ADGRD1: variants seen among roughly 807,000 people sequenced by gnomAD.
The protein encoded by ADGRD1 is adhesion G protein-coupled receptor D1.
A neutral mutation model predicts 113.4 loss-of-function variants in ADGRD1; 77 were observed. That is an observed-to-expected ratio of 0.68 (90% CI 0.57 to 0.82). The LOEUF is 0.82. Ranked by LOEUF, ADGRD1 falls within the 40% of genes least tolerant of loss-of-function variation. The pLI, the probability that ADGRD1 is intolerant of heterozygous loss-of-function variation, is 0.00. For synonymous variants in ADGRD1, 474 were observed against 475.0 expected, an observed-to-expected ratio of 1.00 and a Z score of 0.03; for missense variants, 1,036 against 1,139.1, an observed-to-expected ratio of 0.91 and a Z score of 1.30.
At chr12:131,024,708 AG>A (rs1879747841) in intron 13 of ADGRD1, 1 of 152,276 alleles carries the variant, frequency 6.6e-6, no homozygotes, top group African/African-American at 2.4e-5. Flanking sequence ...TGATGTTCAC[AG>A]CACGATGAAA....
chr12:131,054,975 C>T lies in ADGRD1; in HGVS notation c.1474-21826C>T, dbSNP rs572440411. ...GGGCGGTGAGTCCGGTCTTGTTACA[C>T]TGTCTTGGGCACAAGTCTCGACTGA... On this transcript the variant is annotated intron_variant, in intron 13 of 24. Coordinates refer to ENST00000261654, the MANE Select transcript of ADGRD1 (RefSeq NM_198827.5). Among the ~76,000 whole-genome samples the T allele has an allele frequency of 7.2e-5, 11 of 152,342 alleles. No homozygotes were observed. In the South Asian group the frequency reaches 2.1e-3, roughly 29 times the overall value.
intron 12 of ADGRD1, among the ~76,000 whole-genome samples, chr12:131,013,466 T>A (rs1200158965): frequency 6.6e-6 from 1 of 152,084 alleles, no homozygotes; most frequent in Non-Finnish European, 1.5e-5. Flanking sequence ...CTTTGAGCCC[T>A]CATTCTCCCC....
At chr12:131,055,026 G>C (rs7312364) in intron 13 of ADGRD1, among the ~76,000 whole-genome samples, 79,696 of 152,072 alleles carry the variant, frequency 0.52, 24,583 homozygotes, top group East Asian at 0.88. Flanking sequence ...TTTCTATCCT[G>C]TTTCTGGTGC....
rs1870942029 is a variant in ADGRD1, at chr12:130,965,825, G to A, written c.104-638G>A. 6.6e-6 allele frequency among the ~76,000 whole-genome samples: 1 copy of A among 152,220 alleles called. No individual in the cohort carries two copies. Among genetic ancestry groups the A allele is most frequent in the Non-Finnish European group, 1.5e-5 (1 of 68,040 alleles). On this transcript the variant is annotated intron_variant, in intron 2 of 24. Coordinates refer to ENST00000261654, the MANE Select transcript of ADGRD1 (RefSeq NM_198827.5). This position sits in a 1 kb window ranked among gnomAD's most constrained non-coding sequence, Gnocchi z 4.8. The stretch of plus-strand genomic sequence containing the variant: ...CAAACTGAGTAATGCTTAGTGTGGA[G>A]GAAGCATAGAGGGAAAATAGAATGA...
Position 131,005,972 on chromosome 12 carries a change from C to T in ADGRD1, c.1256C>T (p.Ala419Val), listed in dbSNP as rs370959644. Residue 419 changes from alanine (A) to valine (V), a missense_variant and splice_region_variant, in exon 12 of 25, where the codon GCC (alanine) becomes GTC (valine). By Grantham distance (64) the Ala-to-Val change is moderately conservative. Transcript: ENST00000261654. ...GCCTGCCCCTCTGCTCTCTCTGCAGCCTGGAGCACCGTCGTGGGTCTGCTG... is the reference window on the plus strand; with the variant it reads ...GCCTGCCCCTCTGCTCTCTCTGCAGTCTGGAGCACCGTCGTGGGTCTGCTG... Reference protein sequence around the residue: ...QIPHEAFHRHAWSTVVGLLYH... With the variant: ...QIPHEAFHRHVWSTVVGLLYH... 189 of 1,610,590 alleles carry T rather than the reference C, an allele frequency of 1.2e-4. No homozygotes were observed. The Middle Eastern group carries it at 1.3e-3, about 11-fold the overall frequency.
At chr12:131,089,163 G>C (rs1886722998) in intron 15 of ADGRD1, among the ~76,000 whole-genome samples, 1 of 152,234 alleles carries the variant, frequency 6.6e-6, no homozygotes, top group South Asian at 2.1e-4. Flanking sequence ...GTTGGCATGT[G>C]AAGAACTTCC....
chr12:131,097,608 G>T (rs10744492), intron 15 of ADGRD1, among the ~76,000 whole-genome samples: 123,956 of 152,148 alleles, frequency 0.81, 53,226 homozygotes, highest in East Asian at 1. Context: ...TCACAGATCC[G>T]CCAGGGCCTG....
At chr12:131,020,257 G>A (rs1174177350) in intron 13 of ADGRD1, among the ~76,000 whole-genome samples, 1 of 102,638 alleles carries the variant, frequency 9.7e-6, no homozygotes, top group East Asian at 3.3e-4. Context: ...GGGGGTGCTT[G>A]AGGGAGATAT....
chr12:130,985,384 A>C (rs981415086), intron 5 of ADGRD1, among the ~76,000 whole-genome samples: 1 of 152,076 alleles, frequency 6.6e-6, no homozygotes, highest in African/African-American at 2.4e-5. Context: ...CTTGTCAATT[A>C]TTTCTTTCAT....
chr12:130,995,432 T>C (rs1489332278), intron 8 of ADGRD1, among the ~76,000 whole-genome samples: 1 of 152,256 alleles, frequency 6.6e-6, no homozygotes, highest in East Asian at 1.9e-4. Context: ...TTTACTTTCC[T>C]TGCTGCTTTT....
chr12:131,135,941 C>T, intron 21 of ADGRD1, 96 bp from the exon 22 acceptor site: 1 of 1,380,398 alleles, frequency 7.2e-7, no homozygotes, highest in Non-Finnish European at 1.0e-6. Flanking sequence ...AGGGCGGTGC[C>T]TGCACCCATC....
At chr12:131,054,686 C>T (rs1227982920) in intron 13 of ADGRD1, among the ~76,000 whole-genome samples, 1 of 152,212 alleles carries the variant, frequency 6.6e-6, no homozygotes, top group Non-Finnish European at 1.5e-5. Context: ...TCGAGGGGCC[C>T]TCCACTCCAT....
At chr12:131,123,805 A>G (rs1452905501) in intron 20 of ADGRD1, among the ~76,000 whole-genome samples, 4 of 151,554 alleles carry the variant, frequency 2.6e-5, no homozygotes, top group Admixed American at 6.6e-5. Context: ...CAGCCTGGGC[A>G]ACAGAGTGAG....
At chr12:131,112,507 G>A (rs1232012349) in intron 18 of ADGRD1, among the ~76,000 whole-genome samples, 1 of 152,188 alleles carries the variant, frequency 6.6e-6, no homozygotes, top group Non-Finnish European at 1.5e-5. Flanking sequence ...TAAACCAGCC[G>A]GAATATGGTT....
chr12:131,065,538 T>C (rs2137107401), intron 13 of ADGRD1, among the ~76,000 whole-genome samples: 1 of 152,250 alleles, frequency 6.6e-6, no homozygotes, highest in East Asian at 1.9e-4. Flanking sequence ...TCACTGTCTG[T>C]GTTTCCTGAT....
intron 13 of ADGRD1, among the ~76,000 whole-genome samples, chr12:131,047,239 A>G (rs1472256564): frequency 2.0e-5 from 3 of 152,222 alleles, no homozygotes; most frequent in Non-Finnish European, 4.4e-5. Context: ...AGTCCTGTGA[A>G]GATCTCCAGC....
At position 131,120,850 on chromosome 12, in the gene ADGRD1, C is replaced by A; in HGVS notation, c.2112C>A (p.Cys704Ter). 6.2e-7 allele frequency: 1 copy of A among 1,614,242 alleles called. No homozygotes were observed. Among genetic ancestry groups the A allele is most frequent in the South Asian group, 1.1e-5 (1 of 91,090 alleles). ...ACGGCTCTGCTTCCCTCCGCAGTTG[C>A]TGGCTGTCGTTGGCGAGTGGCGCCA... ...AMDSYGTSNN[C>*]WLSLASGAIW... Residue 704 changes from cysteine to a stop codon, truncating the protein, a stop_gained, in exon 20 of 25, where the codon TGC becomes TGA. Transcript: ENST00000261654. LOFTEE classifies it high-confidence loss of function.
chr12:131,121,381 GTTGTTTTTGTTA>G (rs925452268), intron 20 of ADGRD1, among the ~76,000 whole-genome samples: 27 of 152,162 alleles, frequency 1.8e-4, no homozygotes, highest in African/African-American at 6.5e-4. Context: ...GTTTTTTGTT[GTTGTTTTTGTTA>G]TTGTTTTTTT....
intron 4 of ADGRD1, chr12:130,973,099 T>C (rs558275477): frequency 6.6e-6 from 1 of 152,248 alleles, no homozygotes; most frequent in Admixed American, 6.5e-5. Flanking sequence ...TCTTGATAAA[T>C]CTCTCCTGAC....
Sources: gnomAD v4.1 joint callset for allele counts (sites outside exome capture counted in the v4.1 genomes callset) on GRCh38, gnomAD v4.1.1 for gene constraint, Gnocchi (gnomAD v3.1) non-coding constraint, MANE v1.5 for transcripts, NCBI Gene and HGNC (gene_info 2026-07-23, HGNC 2026-07-21) for gene names.